PTPRT: variants seen among roughly 807,000 people sequenced by gnomAD.
The protein encoded by PTPRT is protein tyrosine phosphatase receptor type T.
In PTPRT, 56 loss-of-function variants were observed where a neutral mutation model predicts 176.8. The ratio of observed to expected loss-of-function variants is 0.32; its 90% CI spans 0.26 to 0.40. The LOEUF is 0.40. Among genes scored for constraint, PTPRT ranks in the 10% least tolerant of loss-of-function variants. The pLI is 1.00. For synonymous variants in PTPRT, 783 were observed against 739.0 expected (o/e 1.06, Z -0.96); for missense variants, 1,540 against 1,908.2 (o/e 0.81, Z 3.60).
chr20:42,182,826 C>A (rs1369258076), intron 16 of PTPRT, among the ~76,000 whole-genome samples: 1 of 151,972 alleles, frequency 6.6e-6, no homozygotes, highest in Admixed American at 6.6e-5. Flanking sequence ...TGCCGTAGAA[C>A]ACCTTCTCTC....
At chr20:43,016,587 A>G (rs1600650187) in intron 1 of PTPRT, among the ~76,000 whole-genome samples, 1 of 102,150 alleles carries the variant, frequency 9.8e-6, no homozygotes, top group Non-Finnish European at 1.7e-5. Context: ...TTTGAGGCAG[A>G]GTCTCATTCT....
intron 6 of PTPRT, among the ~76,000 whole-genome samples, chr20:42,734,374 T>C (rs1459704608): frequency 6.6e-6 from 1 of 151,816 alleles, no homozygotes; most frequent in Non-Finnish European, 1.5e-5. Flanking sequence ...CAAGAGAGAG[T>C]CCCTCTAGCC....
rs78916087 is a variant in PTPRT, at chr20:42,560,221, T to C, written c.1154-87659A>G. Among the ~76,000 whole-genome samples, 105 of 152,262 alleles carry C rather than the reference T, an allele frequency of 6.9e-4. 3 individuals carry two copies. In the East Asian group the frequency reaches 0.017, roughly 25 times the overall value. ...ACAGGTTGCCTCAATGGGCTCTTGGTTTCGAACTTCTGGTTATATTCAGCC... is the reference window on the plus strand; with the variant it reads ...ACAGGTTGCCTCAATGGGCTCTTGGCTTCGAACTTCTGGTTATATTCAGCC... On this transcript the variant is annotated intron_variant, in intron 7 of 30. Coordinates refer to ENST00000373187, the MANE Select transcript of PTPRT (RefSeq NM_007050.6).
intron 7 of PTPRT, among the ~76,000 whole-genome samples, chr20:42,548,454 AC>A (rs1460134807): frequency 6.6e-6 from 1 of 152,172 alleles, no homozygotes; most frequent in African/African-American, 2.4e-5. Context: ...ATACTGGATC[AC>A]CCTATGGAAA....
At chr20:42,722,582 G>A (rs1294472864) in intron 6 of PTPRT, among the ~76,000 whole-genome samples, 1 of 152,132 alleles carries the variant, frequency 6.6e-6, no homozygotes, top group Admixed American at 6.5e-5. Flanking sequence ...CTTTCTGAGA[G>A]TCTCAGAGTG....
intron 1 of PTPRT, among the ~76,000 whole-genome samples, chr20:43,117,100 G>A (rs2013088450): frequency 6.6e-6 from 1 of 152,114 alleles, no homozygotes; most frequent in Admixed American, 6.5e-5. Context: ...AAACACAAAA[G>A]GGGCAAGCAG....
At chr20:42,084,925 A>G in intron 28 of PTPRT, 80 bp from the exon 29 acceptor site, 1 of 1,241,660 alleles carries the variant, frequency 8.1e-7, no homozygotes, top group East Asian at 2.8e-5. Flanking sequence ...CGGGGACTGC[A>G]GCATCATGGT....
At chr20:42,437,374 C>T (rs1398501596) in intron 9 of PTPRT, among the ~76,000 whole-genome samples, 1 of 152,154 alleles carries the variant, frequency 6.6e-6, no homozygotes, top group Non-Finnish European at 1.5e-5. Context: ...GGGAAAGAAG[C>T]CAACTAGTTC....
chr20:42,367,855 T>C (rs1473960143), intron 9 of PTPRT, among the ~76,000 whole-genome samples: 2 of 152,142 alleles, frequency 1.3e-5, no homozygotes, highest in Non-Finnish European at 2.9e-5. Flanking sequence ...CTAGCCTGGG[T>C]GGCATGGGGG....
chr20:43,117,641 G>C (rs762191622), intron 1 of PTPRT, among the ~76,000 whole-genome samples: 3 of 152,148 alleles, frequency 2.0e-5, no homozygotes, highest in Non-Finnish European at 2.9e-5. Flanking sequence ...CTGAGTCCAA[G>C]GGATTGTGGC....
At chr20:42,162,458 T>C (rs1989644959) in intron 16 of PTPRT, among the ~76,000 whole-genome samples, 1 of 152,228 alleles carries the variant, frequency 6.6e-6, no homozygotes, top group African/African-American at 2.4e-5. Context: ...TCTGTTCCCC[T>C]TGGACGACTA....
chr20:43,008,185 C>G (rs537747617), intron 1 of PTPRT, among the ~76,000 whole-genome samples: 6 of 152,064 alleles, frequency 3.9e-5, no homozygotes, highest in Non-Finnish European at 8.8e-5. Flanking sequence ...GAGGTGGAGG[C>G]CTTTGAGAGA....
At chr20:43,055,164 CTTAATGAGCATCCAAG>C (rs1987187068) in intron 1 of PTPRT, among the ~76,000 whole-genome samples, 1 of 152,166 alleles carries the variant, frequency 6.6e-6, no homozygotes, top group Admixed American at 6.5e-5. Flanking sequence ...GCTCAGTAAT[CTTAATGAGCATCCAAG>C]TTGCACCGAC....
chr20:42,127,404 TTC>T (rs1323103723), intron 19 of PTPRT, among the ~76,000 whole-genome samples: 1 of 151,316 alleles, frequency 6.6e-6, no homozygotes, highest in Admixed American at 6.6e-5. Context: ...CTCTCTCTCT[TTC>T]TCTCTCTCTC....
intron 6 of PTPRT, among the ~76,000 whole-genome samples, chr20:42,679,443 TA>T (rs1344363437): frequency 3.9e-5 from 6 of 152,196 alleles, no homozygotes; most frequent in South Asian, 2.1e-4. Context: ...TACTCATCTT[TA>T]AAAAAATCAA....
intron 6 of PTPRT, among the ~76,000 whole-genome samples, chr20:42,723,199 C>T (rs780536176): frequency 1.3e-5 from 2 of 152,114 alleles, no homozygotes; most frequent in Admixed American, 6.5e-5. Context: ...TGTCTTGTCA[C>T]GATTTTGATT....
In PTPRT at chr20:42,617,725, G is replaced by A. The variant is rs187001494; in HGVS notation, c.1153+60141C>T. ...CTTCTAGATTTTCTAGTTTATTTGC[G>A]TAGAGGTGTTTGTAGTACTCTCTGA... On this transcript the variant is annotated intron_variant, in intron 7 of 30. Coordinates refer to ENST00000373187, the MANE Select transcript of PTPRT (RefSeq NM_007050.6). Among the ~76,000 whole-genome samples, 1,355 of 139,266 alleles carry A rather than the reference G, an allele frequency of 9.7e-3. 388 individuals carry two copies. The highest frequency in any genetic ancestry group is 0.04 in the African/African-American group (1,303 of 32,332). 91.4% of individuals were successfully genotyped at this position (139,266 alleles called of 152,430 possible).
intron 8 of PTPRT, among the ~76,000 whole-genome samples, chr20:42,452,606 T>C (rs6130136): frequency 0.47 from 71,249 of 151,608 alleles, 17,426 homozygotes; most frequent in Middle Eastern, 0.64. Context: ...ATTCATTCAT[T>C]TGAGGGTCTA....
chr20:42,062,553 C>T, the PTPRT span, among the ~76,000 whole-genome samples: 1 of 152,190 alleles, frequency 6.6e-6, no homozygotes, highest in Non-Finnish European at 1.5e-5. Flanking sequence ...ACAGTATTCC[C>T]AACATCATGC....
Sources: allele counts gnomAD v4.1 joint callset (sites outside exome capture counted in the v4.1 genomes callset), GRCh38; gene constraint gnomAD v4.1.1; transcripts MANE v1.5; gene names NCBI Gene and HGNC (gene_info 2026-07-23, HGNC 2026-07-21).